The following DAW1 variants were observed in gnomAD, a reference collection of about 807,000 sequenced individuals.
DAW1 encodes the protein dynein assembly factor with WD repeat domains 1.
DAW1 carries 47 observed loss-of-function variants against 56.5 expected under a neutral mutation model. The ratio of observed to expected loss-of-function variants is 0.83; its 90% CI spans 0.66 to 1.06. DAW1 has a LOEUF of 1.06. Among genes scored for constraint, DAW1 ranks in the 50% least tolerant of loss-of-function variants. The probability of loss-of-function intolerance (pLI) is 0.00; values close to 1 mark genes in which losing one functional copy is unlikely to be tolerated. For synonymous variants in DAW1, 190 were observed against 179.0 expected (o/e 1.06, Z -0.49); for missense variants, 505 against 499.3 (o/e 1.01, Z -0.11).
chr2:227,887,421 A>C (rs1691157269), intron 2 of DAW1, among the ~76,000 whole-genome samples: 1 of 152,174 alleles, frequency 6.6e-6, no homozygotes, highest in African/African-American at 2.4e-5. Context: ...CATATGTAAG[A>C]ATCTAATCTG....
chr2:227,921,329 T>TGC, intron 11 of DAW1, 70 bp from the exon 12 acceptor site: 5 of 602,350 alleles, frequency 8.3e-6, no homozygotes, highest in Non-Finnish European at 1.2e-5. Context: ...TTTTTTTTTT[T>TGC]TTTTGCTGAT....
chr2:227,884,500 T>C (rs983277251), intron 1 of DAW1, among the ~76,000 whole-genome samples: 3 of 152,216 alleles, frequency 2.0e-5, no homozygotes, highest in Admixed American at 6.5e-5. Flanking sequence ...TTGCGGGCGT[T>C]GGTTACAATG....
chr2:227,922,014 A>G (rs1692122369), intron 12 of DAW1, among the ~76,000 whole-genome samples: 1 of 152,194 alleles, frequency 6.6e-6, no homozygotes. Context: ...TTAGCTGGGC[A>G]TGGTGGCGTA....
At position 227,897,412 on chromosome 2, in the gene DAW1, T is replaced by C. The variant is rs1335398276; in HGVS notation, c.441-770T>C. ...TACATTTCTAGTCTGCTTTAGGATATATGTGTTGGGTTGTGAGATCTCTTA... is the reference window on the plus strand; with the variant it reads ...TACATTTCTAGTCTGCTTTAGGATACATGTGTTGGGTTGTGAGATCTCTTA... On this transcript the variant is annotated intron_variant, in intron 5 of 12. Coordinates refer to ENST00000309931, the MANE Select transcript of DAW1 (RefSeq NM_178821.3). 2.6e-5 allele frequency among the ~76,000 whole-genome samples: 4 copies of C among 152,204 alleles called. No individual in the cohort carries two copies. In the East Asian group the frequency reaches 7.7e-4, roughly 29 times the overall value.
chr2:227,889,272 G>A (rs6736692), intron 2 of DAW1, among the ~76,000 whole-genome samples: 70,321 of 152,024 alleles, frequency 0.46, 16,566 homozygotes, highest in Admixed American at 0.57. Context: ...TTTGTTTCTC[G>A]TAGTTCTGAC....
At chr2:227,892,397 G>A (rs1157356775) in intron 4 of DAW1, among the ~76,000 whole-genome samples, 2 of 152,012 alleles carry the variant, frequency 1.3e-5, no homozygotes, top group Admixed American at 6.5e-5. Flanking sequence ...GCCTCCCAAA[G>A]TGCTGAGATT....
chr2:227,885,855 G>A (rs890943958), intron 2 of DAW1, among the ~76,000 whole-genome samples: 4 of 152,014 alleles, frequency 2.6e-5, no homozygotes, highest in African/African-American at 9.7e-5. Flanking sequence ...TCTGTTCCAG[G>A]ATTCCATCCA....
intron 6 of DAW1, among the ~76,000 whole-genome samples, chr2:227,899,873 C>G (rs1394140457): frequency 6.6e-6 from 1 of 152,136 alleles, no homozygotes; most frequent in Admixed American, 6.6e-5. Context: ...AAGGAAAGTA[C>G]CTGGAGATGG....
intron 6 of DAW1, among the ~76,000 whole-genome samples, chr2:227,901,400 C>G (rs1691542193): frequency 1.3e-5 from 2 of 152,064 alleles, no homozygotes; most frequent in African/African-American, 4.8e-5. Context: ...ACAGTTGGCT[C>G]TTTGGGACTG....
rs192566551 is a variant in DAW1, at chr2:227,895,018, G to A, written c.440+1101G>A. Among the ~76,000 whole-genome samples, 5 of 152,296 alleles carry A rather than the reference G, an allele frequency of 3.3e-5. No homozygotes were observed. The East Asian group carries it at 9.6e-4, about 29-fold the overall frequency. On this transcript the variant is annotated intron_variant, in intron 5 of 12. Transcript: ENST00000309931. ...TCTTTTCTAGGGAAGCATAAATAAGGCAAATCTTTGAAAAATTGTTTCACA... is the reference window on the plus strand; with the variant it reads ...TCTTTTCTAGGGAAGCATAAATAAGACAAATCTTTGAAAAATTGTTTCACA...
At chr2:227,872,691 A>AC (rs959145137) in intron 1 of DAW1, among the ~76,000 whole-genome samples, 20 of 65,632 alleles carry the variant, frequency 3.0e-4, no homozygotes, top group East Asian at 1.3e-3. Flanking sequence ...TGCCTCCCCC[A>AC]CCCCCCCAAC....
intron 8 of DAW1, 131 bp downstream of exon 8, chr2:227,905,166 TG>T: frequency 1.8e-6 from 1 of 570,314 alleles, no homozygotes. Flanking sequence ...ATATTGAAAA[TG>T]TAAATTAATT....
At chr2:227,920,998 C>T (rs936713589) in intron 11 of DAW1, among the ~76,000 whole-genome samples, 1 of 152,104 alleles carries the variant, frequency 6.6e-6, no homozygotes, top group Non-Finnish European at 1.5e-5. Flanking sequence ...GTGCTTTTGA[C>T]CACAAAGATG....
intron 10 of DAW1, among the ~76,000 whole-genome samples, chr2:227,916,161 A>G (rs752380622): frequency 1.8e-4 from 28 of 152,106 alleles, no homozygotes; most frequent in Non-Finnish European, 3.1e-4. Flanking sequence ...GCTACACTAT[A>G]TCTAATATGT....
chr2:227,912,162 A>G, intron 10 of DAW1: 2 of 366,144 alleles, frequency 5.5e-6, no homozygotes, highest in South Asian at 4.1e-5. Context: ...ACCAAGTATA[A>G]TGTTACATTC....
chr2:227,890,538 C>T (rs1017508764), intron 3 of DAW1, among the ~76,000 whole-genome samples: 1 of 152,122 alleles, frequency 6.6e-6, no homozygotes, highest in African/African-American at 2.4e-5. Flanking sequence ...AGAATTACTT[C>T]ATATTACACT....
chr2:227,922,006 A>G (rs1692122191), intron 12 of DAW1, among the ~76,000 whole-genome samples: 1 of 152,196 alleles, frequency 6.6e-6, no homozygotes, highest in Non-Finnish European at 1.5e-5. Flanking sequence ...ATAGAGCATT[A>G]GCTGGGCATG....
intron 7 of DAW1, 34 bp from the exon 8 acceptor site, chr2:227,904,894 GC>G: frequency 6.4e-7 from 1 of 1,562,320 alleles, no homozygotes; most frequent in East Asian, 2.3e-5. Flanking sequence ...TGTTTTATCT[GC>G]AGGTATACTT....
chr2:227,908,274 G>A (rs1187654094), intron 10 of DAW1, among the ~76,000 whole-genome samples: 1 of 152,174 alleles, frequency 6.6e-6, no homozygotes, highest in African/African-American at 2.4e-5. Context: ...AACCACATTT[G>A]ATGCTGGGCC....
Sources: gnomAD v4.1 joint callset for allele counts (sites outside exome capture counted in the v4.1 genomes callset) on GRCh38, gnomAD v4.1.1 for gene constraint, MANE v1.5 for transcripts, NCBI Gene and HGNC (gene_info 2026-07-23, HGNC 2026-07-21) for gene names.